The following NLGN4X variants were observed in gnomAD, a reference collection of about 807,000 sequenced individuals.
NLGN4X encodes neuroligin 4 X-linked.
In NLGN4X, 3 loss-of-function variants were observed where a neutral mutation model predicts 40.3. That is an observed-to-expected ratio of 0.07 (90% CI 0.03 to 0.19). The LOEUF is 0.19. Ranked by LOEUF, NLGN4X falls within the 10% of genes least tolerant of loss-of-function variation. The pLI, the probability that NLGN4X is intolerant of heterozygous loss-of-function variation, is 1.00. For missense variants in NLGN4X, 382 were observed against 708.3 expected (o/e 0.54, Z 5.23); for synonymous variants, 270 against 306.8 (o/e 0.88, Z 1.25).
At position 6,051,142 on chromosome X, in the gene NLGN4X, A is replaced by G. The variant is rs184418537; in HGVS notation, c.473-21710T>C. On this transcript the variant is annotated intron_variant, in intron 2 of 5. Transcript: ENST00000381095. ...ATAACACCCCACATCCTTATCTATG[A>G]GGATATGTTTCAAGGCCTGAAACTG... Among the ~76,000 whole-genome samples the G allele has an allele frequency of 1.2e-4, 13 of 111,949 alleles. No individual in the cohort carries two copies. In the East Asian group the frequency reaches 2.8e-3, roughly 24 times the overall value.
rs549401348 is a variant in NLGN4X at position 5,984,380 on chromosome X, CA to C, written c.625+44899del. On this transcript the variant is annotated intron_variant, in intron 3 of 5. Transcript: ENST00000381095. ...TGAAAGTAAAATTTAATACAAAATACAAAAAAAAAAAGACTAAAAAAGGAGC... is the reference window on the plus strand; with the variant it reads ...TGAAAGTAAAATTTAATACAAAATACAAAAAAAAAAGACTAAAAAAGGAGC... Among the ~76,000 whole-genome samples the C allele has an allele frequency of 2.8e-3, 255 of 91,166 alleles. 3 individuals carry two copies. The highest frequency in any genetic ancestry group is 5.4e-3 in the East Asian group (16 of 2,945). 79.2% of individuals were successfully genotyped at this position (91,166 alleles called of 115,157 possible). A position where few individuals can be genotyped will look rare whatever the true frequency, so the allele number is the denominator to read the frequency against.
At chrX:6,008,802 C>T (rs747070989) in intron 3 of NLGN4X, among the ~76,000 whole-genome samples, 2 of 111,676 alleles carry the variant, frequency 1.8e-5, no homozygotes, top group Non-Finnish European at 1.9e-5. Flanking sequence ...CATTTTGTAC[C>T]TTTCCAAACT....
chrX:5,959,456 T>G (rs6639546), intron 3 of NLGN4X, among the ~76,000 whole-genome samples: 33,991 of 111,254 alleles, frequency 0.31, 4,589 homozygotes, highest in Middle Eastern at 0.57. Flanking sequence ...TAGTAATTCC[T>G]TTCATGAATG....
At chrX:6,133,490 T>G (rs926183728) in intron 2 of NLGN4X, among the ~76,000 whole-genome samples, 1 of 112,262 alleles carries the variant, frequency 8.9e-6, no homozygotes, top group Non-Finnish European at 1.9e-5. Context: ...AAATCAGGCT[T>G]TTATCATTTT....
At chrX:6,043,123 A>G (rs1268609124) in intron 2 of NLGN4X, among the ~76,000 whole-genome samples, 5 of 75,025 alleles carry the variant, frequency 6.7e-5, no homozygotes, top group Non-Finnish European at 1.3e-4. Context: ...AATAACTTCT[A>G]TGCACGCGCA....
At chrX:6,056,354 T>C (rs762294737) in intron 2 of NLGN4X, among the ~76,000 whole-genome samples, 2 of 110,601 alleles carry the variant, frequency 1.8e-5, no homozygotes, top group South Asian at 7.8e-4. Context: ...TGCATGCCTG[T>C]AGTCCCAGCT....
chrX:6,045,360 C>A (rs145857394), intron 2 of NLGN4X, among the ~76,000 whole-genome samples: 1 of 112,204 alleles, frequency 8.9e-6, no homozygotes, highest in Non-Finnish European at 1.9e-5. Context: ...TCATCCAAAA[C>A]GCAGTTCAAA....
chrX:6,110,053 A>G (rs143714429), intron 2 of NLGN4X, among the ~76,000 whole-genome samples: 1,151 of 111,627 alleles, frequency 0.01, 12 homozygotes, highest in African/African-American at 0.036. Context: ...ACTCCCTCCA[A>G]AGCAAGGCTG....
At chrX:6,102,421 G>T (rs745449697) in intron 2 of NLGN4X, among the ~76,000 whole-genome samples, 1 of 111,311 alleles carries the variant, frequency 9.0e-6, no homozygotes, top group Admixed American at 9.6e-5. Context: ...TTATAAAAGG[G>T]ATCCCACAGA....
At chrX:5,913,141 T>C (rs2146781544) in intron 3 of NLGN4X, among the ~76,000 whole-genome samples, 1 of 111,267 alleles carries the variant, frequency 9.0e-6, no homozygotes, top group East Asian at 2.8e-4. Flanking sequence ...TCTTCTTAAG[T>C]GTAAATAAAG....
chrX:6,059,000 A>G (rs1250459630), intron 2 of NLGN4X, among the ~76,000 whole-genome samples: 4 of 112,029 alleles, frequency 3.6e-5, no homozygotes, highest in African/African-American at 1.3e-4. Flanking sequence ...AGAAAACACA[A>G]GGAATTCATA....
intron 2 of NLGN4X, among the ~76,000 whole-genome samples, chrX:6,121,911 TGAA>T (rs1292211725): frequency 8.9e-6 from 1 of 112,518 alleles, no homozygotes. Context: ...TTATTCCGAA[TGAA>T]GAAGGTCACA....
chrX:5,989,341 A>G (rs1340612998), intron 3 of NLGN4X, among the ~76,000 whole-genome samples: 1 of 111,807 alleles, frequency 8.9e-6, no homozygotes, highest in Admixed American at 9.5e-5. Context: ...CAGCAGTCTT[A>G]CCTTATTGTA....
chrX:5,905,391 C>T (rs182653290), intron 4 of NLGN4X, among the ~76,000 whole-genome samples: 46 of 112,107 alleles, frequency 4.1e-4, no homozygotes, highest in Non-Finnish European at 6.6e-4. Context: ...AGCTCTTTCC[C>T]TCCATTCAAA....
intron 2 of NLGN4X, among the ~76,000 whole-genome samples, chrX:6,100,789 G>A (rs768982412): frequency 3.3e-5 from 3 of 91,656 alleles, no homozygotes; most frequent in South Asian, 5.6e-4. Context: ...AGGTAGTACT[G>A]AAGAAAACAA....
chrX:6,214,674 C>T (rs1308554535), intron 1 of NLGN4X, among the ~76,000 whole-genome samples: 1 of 111,308 alleles, frequency 9.0e-6, no homozygotes, highest in African/African-American at 3.3e-5. Context: ...TCCGAAGGAT[C>T]CCTTGAGCCC....
chrX:5,992,507 G>T (rs1036176714), intron 3 of NLGN4X, among the ~76,000 whole-genome samples: 2 of 111,378 alleles, frequency 1.8e-5, no homozygotes, highest in Non-Finnish European at 3.8e-5. Flanking sequence ...AGGTTGAGGT[G>T]GGAGGGTGGC....
intron 2 of NLGN4X, among the ~76,000 whole-genome samples, chrX:6,046,255 C>T (rs2037315675): frequency 9.0e-6 from 1 of 111,173 alleles, no homozygotes; most frequent in Admixed American, 9.6e-5. Context: ...CTTTAGAATT[C>T]CCAATAAGAT....
At chrX:6,170,965 A>G (rs943745824) in intron 1 of NLGN4X, among the ~76,000 whole-genome samples, 2 of 111,066 alleles carry the variant, frequency 1.8e-5, no homozygotes, top group Non-Finnish European at 3.8e-5. Context: ...CTGGGACTAC[A>G]GCCACACACC....
Sources: allele counts gnomAD v4.1 joint callset (sites outside exome capture counted in the v4.1 genomes callset), GRCh38; gene constraint gnomAD v4.1.1; transcripts MANE v1.5; gene names NCBI Gene and HGNC (gene_info 2026-07-23, HGNC 2026-07-21).